Variants in NEMP2 observed in about 807,000 individuals in gnomAD.
NEMP2 encodes UPF0571 transmembrane protein.
NEMP2 carries 53 observed loss-of-function variants against 54.2 expected under a neutral mutation model. The ratio of observed to expected loss-of-function variants is 0.98; its 90% CI spans 0.78 to 1.23. The LOEUF (loss-of-function observed/expected upper bound fraction) is 1.23, where lower values mean the gene tolerates loss of function less well. Among genes scored for constraint, NEMP2 ranks in the 50% most tolerant of loss-of-function variants. The probability of loss-of-function intolerance (pLI) is 0.00; values close to 1 mark genes in which losing one functional copy is unlikely to be tolerated. For missense variants in NEMP2, 455 were observed against 511.3 expected, an observed-to-expected ratio of 0.89 and a Z score of 1.06; for synonymous variants, 197 against 190.3, an observed-to-expected ratio of 1.04 and a Z score of -0.29.
the NEMP2 span, among the ~76,000 whole-genome samples, chr2:190,491,689 A>G: frequency 2.0e-5 from 3 of 152,216 alleles, no homozygotes; most frequent in Non-Finnish European, 4.4e-5. The surrounding 1 kb of genome is among the most constrained non-coding windows in gnomAD (Gnocchi z 4.2). Context: ...TCCCTCTGCC[A>G]TAGCCTACCC....
At chr2:190,541,634 A>T in the NEMP2 span, among the ~76,000 whole-genome samples, 1 of 152,222 alleles carries the variant, frequency 6.6e-6, no homozygotes, top group Non-Finnish European at 1.5e-5. This position sits in a 1 kb window ranked among gnomAD's most constrained non-coding sequence, Gnocchi z 5.2. Context: ...CCACAGTTAC[A>T]GTATTAGAGT....
intron 4 of NEMP2, among the ~76,000 whole-genome samples, 173 bp from the exon 5 acceptor site, chr2:190,517,786 T>C (rs1690613406): frequency 6.6e-6 from 1 of 152,232 alleles, no homozygotes; most frequent in Admixed American, 6.5e-5. Flanking sequence ...TTGAAATTTA[T>C]GGTAAGTTGC....
At chr2:190,565,685 G>A in the NEMP2 span, among the ~76,000 whole-genome samples, 1 of 152,140 alleles carries the variant, frequency 6.6e-6, no homozygotes, top group Non-Finnish European at 1.5e-5. Flanking sequence ...CTCTGTCATA[G>A]GCTGAATTGC....
At chr2:190,436,434 C>T in the NEMP2 span, 1 of 1,614,146 alleles carries the variant, frequency 6.2e-7, no homozygotes, top group Non-Finnish European at 8.5e-7. The surrounding 1 kb of genome is among the most constrained non-coding windows in gnomAD (Gnocchi z 5.3). Flanking sequence ...AAATTGTCCT[C>T]CTCTTTTCTC....
chr2:190,502,025 G>A (rs1171999115), downstream of NEMP2: 4 of 152,578 alleles, frequency 2.6e-5, no homozygotes, highest in Non-Finnish European at 5.9e-5. The surrounding 1 kb of genome is among the most constrained non-coding windows in gnomAD (Gnocchi z 4.4). Flanking sequence ...AAAGCCTGCT[G>A]TTTTGGAAAT....
At chr2:190,424,600 C>T in the NEMP2 span, among the ~76,000 whole-genome samples, 10 of 152,304 alleles carry the variant, frequency 6.6e-5, no homozygotes, top group South Asian at 1.7e-3. This position sits in a 1 kb window ranked among gnomAD's most constrained non-coding sequence, Gnocchi z 5.9. Context: ...CACCAAAGTG[C>T]TGGGATTACA....
At chr2:190,502,157 T>C (rs1394261736), downstream of NEMP2, 1 of 152,298 alleles carries the variant, frequency 6.6e-6, no homozygotes, top group Non-Finnish European at 1.5e-5. The surrounding 1 kb of genome is among the most constrained non-coding windows in gnomAD (Gnocchi z 4.4). Context: ...CATGCCTTTG[T>C]TATGGAACAT....
At chr2:190,491,817 A>AG in the NEMP2 span, among the ~76,000 whole-genome samples, 1 of 152,200 alleles carries the variant, frequency 6.6e-6, no homozygotes, top group African/African-American at 2.4e-5. The surrounding 1 kb of genome is among the most constrained non-coding windows in gnomAD (Gnocchi z 4.2). Context: ...GAAATCTCTG[A>AG]CTTCCCTGAA....
the NEMP2 span, among the ~76,000 whole-genome samples, chr2:190,638,032 G>A: frequency 2.0e-5 from 3 of 152,220 alleles, no homozygotes; most frequent in African/African-American, 7.2e-5. The surrounding 1 kb of genome is among the most constrained non-coding windows in gnomAD (Gnocchi z 5.7). Context: ...GTGAAAGTAA[G>A]TGAAGAAAGA....
At chr2:190,501,256 T>C (rs1053412602), downstream of NEMP2, 2 of 152,096 alleles carry the variant, frequency 1.3e-5, no homozygotes, top group Non-Finnish European at 2.9e-5. Flanking sequence ...GAAAAGGTGG[T>C]AAATAGGAAA....
rs1304203315 is a variant in NEMP2 at position 190,510,954 on chromosome 2, T to C, written c.954-417A>G. ...AGTAATAATACTTCTTAACTTCCTC[T>C]ATATCATATCTATACTTTTTTATTG... On this transcript the variant is annotated intron_variant, in intron 7 of 8. Transcript: ENST00000409150. This position sits in a 1 kb window ranked among gnomAD's most constrained non-coding sequence, Gnocchi z 5.7. 6.6e-6 allele frequency among the ~76,000 whole-genome samples: 1 copy of C among 152,164 alleles called. No individual in the cohort carries two copies. Among genetic ancestry groups the C allele is most frequent in the Non-Finnish European group, 1.5e-5 (1 of 68,022 alleles).
At chr2:190,429,390 A>G in the NEMP2 span, among the ~76,000 whole-genome samples, 1 of 151,476 alleles carries the variant, frequency 6.6e-6, no homozygotes, top group Non-Finnish European at 1.5e-5. Context: ...CAGTGGTGCA[A>G]TCTCGGCTCA....
rs59962865 is a variant in NEMP2, at chr2:190,523,618, GT to G, written c.213+1644del. ...GTTGACTGTTCCTTGGAAAAAAAAT[GT>G]TATGATTCCAGAGCTAAGTCTATGA... On this transcript the variant is annotated intron_variant, in intron 2 of 8. Coordinates refer to ENST00000409150, the MANE Select transcript of NEMP2 (RefSeq NM_001142645.2). The surrounding 1 kb of genome is among the most constrained non-coding windows in gnomAD (Gnocchi z 5.3). Among the ~76,000 whole-genome samples the G allele has an allele frequency of 0.7, 105,928 of 151,966 alleles. 38,055 individuals are homozygous for G. Among genetic ancestry groups the G allele is most frequent in the Non-Finnish European group, 0.77 (52,073 of 67,938 alleles).
At chr2:190,539,845 A>G in the NEMP2 span, among the ~76,000 whole-genome samples, 7 of 152,130 alleles carry the variant, frequency 4.6e-5, no homozygotes, top group Non-Finnish European at 7.4e-5. This position sits in a 1 kb window ranked among gnomAD's most constrained non-coding sequence, Gnocchi z 4.1. Flanking sequence ...TTTCTAAGTA[A>G]AAGATCATGT....
chr2:190,546,589 T>A, the NEMP2 span, among the ~76,000 whole-genome samples: 1 of 152,220 alleles, frequency 6.6e-6, no homozygotes, highest in Non-Finnish European at 1.5e-5. This position sits in a 1 kb window ranked among gnomAD's most constrained non-coding sequence, Gnocchi z 5.1. Context: ...TTGCTTACAC[T>A]ATGCAAAGTC....
chr2:190,559,347 T>C, the NEMP2 span, among the ~76,000 whole-genome samples: 1 of 152,118 alleles, frequency 6.6e-6, no homozygotes, highest in Non-Finnish European at 1.5e-5. This position sits in a 1 kb window ranked among gnomAD's most constrained non-coding sequence, Gnocchi z 4.0. Context: ...GAGTTGCAGC[T>C]CAGGAAGAAG....
the NEMP2 span, among the ~76,000 whole-genome samples, chr2:190,450,497 T>TTG: frequency 1.4e-5 from 2 of 138,400 alleles, no homozygotes; most frequent in Non-Finnish European, 3.1e-5. Context: ...CCTTTTTTTT[T>TTG]TTTTTTTTTT....
At chr2:190,439,660 G>T in the NEMP2 span, among the ~76,000 whole-genome samples, 1 of 152,010 alleles carries the variant, frequency 6.6e-6, no homozygotes. This position sits in a 1 kb window ranked among gnomAD's most constrained non-coding sequence, Gnocchi z 5.8. Flanking sequence ...TAATTTTCTG[G>T]TTTTTACGGA....
the NEMP2 span, among the ~76,000 whole-genome samples, chr2:190,596,943 T>C: frequency 6.6e-6 from 1 of 152,196 alleles, no homozygotes; most frequent in Admixed American, 6.5e-5. This position sits in a 1 kb window ranked among gnomAD's most constrained non-coding sequence, Gnocchi z 5.1. Context: ...TTTACAACTT[T>C]TTAAAAAGGA....
Sources: gnomAD v4.1 joint callset for allele counts (sites outside exome capture counted in the v4.1 genomes callset) on GRCh38, gnomAD v4.1.1 for gene constraint, Gnocchi (gnomAD v3.1) non-coding constraint, MANE v1.5 for transcripts, NCBI Gene and HGNC (gene_info 2026-07-23, HGNC 2026-07-21) for gene names.